The following CTNNA3 variants were observed in gnomAD, a reference collection of about 807,000 sequenced individuals.
The protein encoded by CTNNA3 is catenin alpha-3.
CTNNA3 carries 76 observed loss-of-function variants against 95.7 expected under a neutral mutation model. The observed-to-expected ratio is 0.79, with a 90% CI of 0.66 to 0.96. The LOEUF (loss-of-function observed/expected upper bound fraction) is 0.96. Ranked by LOEUF, CTNNA3 falls within the 40% of genes least tolerant of loss-of-function variation. The pLI, the probability that CTNNA3 is intolerant of heterozygous loss-of-function variation, is 0.00. For synonymous variants in CTNNA3, 431 were observed against 374.4 expected, an observed-to-expected ratio of 1.15 and a Z score of -1.74; for missense variants, 1,191 against 1,089.8, an observed-to-expected ratio of 1.09 and a Z score of -1.31.
At chr10:66,987,181 G>A (rs1171266355) in intron 7 of CTNNA3, among the ~76,000 whole-genome samples, 1 of 152,186 alleles carries the variant, frequency 6.6e-6, no homozygotes, top group African/African-American at 2.4e-5. Flanking sequence ...AGGACTAAGG[G>A]AGAGGGAAGC....
At chr10:67,669,057 C>T (rs1224180260) in intron 1 of CTNNA3, among the ~76,000 whole-genome samples, 1 of 152,000 alleles carries the variant, frequency 6.6e-6, no homozygotes, top group East Asian at 1.9e-4. Flanking sequence ...CCAGGCTAGT[C>T]TCGAACTCCT....
chr10:66,801,324 T>C (rs963132446), intron 7 of CTNNA3, among the ~76,000 whole-genome samples: 1 of 151,192 alleles, frequency 6.6e-6, no homozygotes, highest in African/African-American at 2.4e-5. Context: ...TTTTATATAA[T>C]AAAAATAAGC....
chr10:66,515,345 C>CTCTCTATA (rs558913767), intron 11 of CTNNA3, among the ~76,000 whole-genome samples: 2,971 of 148,968 alleles, frequency 0.02, 46 homozygotes, highest in Middle Eastern at 0.041. Flanking sequence ...CTCTCTCTCT[C>CTCTCTATA]TATATATATA....
chr10:66,846,467 CCACACACACA>C (rs34923400), intron 7 of CTNNA3, among the ~76,000 whole-genome samples: 5 of 147,616 alleles, frequency 3.4e-5, no homozygotes, highest in African/African-American at 7.4e-5. Flanking sequence ...AATGTTCTCA[CCACACACACA>C]CACACACACA....
intron 1 of CTNNA3, among the ~76,000 whole-genome samples, chr10:67,708,359 C>T (rs1220688074): frequency 1.3e-5 from 2 of 152,122 alleles, no homozygotes; most frequent in Admixed American, 1.3e-4. Context: ...ATCAATTAAT[C>T]ACCATCTCAA....
chr10:66,514,248 T>G (rs1033734583), intron 11 of CTNNA3, among the ~76,000 whole-genome samples: 1 of 152,150 alleles, frequency 6.6e-6, no homozygotes, highest in Non-Finnish European at 1.5e-5. Context: ...GAATAAATAC[T>G]TTTACACATT....
intron 3 of CTNNA3, among the ~76,000 whole-genome samples, chr10:67,561,156 G>A (rs375423478): frequency 1.4e-5 from 2 of 145,100 alleles, no homozygotes; most frequent in East Asian, 2.1e-4. Context: ...CATCTACAGA[G>A]CTCTCCACCC....
At position 66,319,659 on chromosome 10, in the gene CTNNA3, C is replaced by A. The variant is rs539816261; in HGVS notation, c.1733-39038G>T. Among the ~76,000 whole-genome samples the A allele has an allele frequency of 1.1e-3, 169 of 152,076 alleles. 1 individual carries two copies. The highest frequency in any genetic ancestry group is 1.5e-3 in the Non-Finnish European group (99 of 68,000). On this transcript the variant is annotated intron_variant, in intron 12 of 17. Coordinates refer to ENST00000433211, the MANE Select transcript of CTNNA3 (RefSeq NM_013266.4). Reference sequence around the variant, plus strand: ...ATATTTTAATGCCACCAACCATACACCTATAAATTTCTTGTCATTAGACAA... The same window carrying A: ...ATATTTTAATGCCACCAACCATACAACTATAAATTTCTTGTCATTAGACAA...
rs983664599 is a variant in CTNNA3, at chr10:67,562,016, G to C, written c.293-22347C>G. On this transcript the variant is annotated intron_variant, in intron 3 of 17. Coordinates refer to ENST00000433211, the MANE Select transcript of CTNNA3 (RefSeq NM_013266.4). Reference sequence around the variant, plus strand: ...TAATCAATAGCTTACCAACCAAAAAGAGTCCAGGACCAGATGGATTCACAG... The same window carrying C: ...TAATCAATAGCTTACCAACCAAAAACAGTCCAGGACCAGATGGATTCACAG... Among the ~76,000 whole-genome samples the C allele has an allele frequency of 2.6e-5, 4 of 152,086 alleles. No individual in the cohort carries two copies. In the East Asian group the frequency reaches 5.8e-4, roughly 22 times the overall value.
chr10:66,067,970 G>T (rs1394491877), intron 15 of CTNNA3, among the ~76,000 whole-genome samples: 1 of 152,064 alleles, frequency 6.6e-6, no homozygotes, highest in Non-Finnish European at 1.5e-5. Flanking sequence ...TAGGTTCCCT[G>T]AAGTATAGTA....
At chr10:66,365,078 CAG>C (rs2092702038) in intron 12 of CTNNA3, among the ~76,000 whole-genome samples, 1 of 152,058 alleles carries the variant, frequency 6.6e-6, no homozygotes, top group African/African-American at 2.4e-5. Flanking sequence ...GGCGAGAAAA[CAG>C]GGAGGGGTAT....
chr10:66,094,784 A>C (rs1434547568), intron 14 of CTNNA3, among the ~76,000 whole-genome samples: 1 of 152,138 alleles, frequency 6.6e-6, no homozygotes, highest in Non-Finnish European at 1.5e-5. Context: ...GCCTTGAATA[A>C]AGTCTTCCTC....
chr10:66,522,982 T>C (rs746155105), intron 10 of CTNNA3, among the ~76,000 whole-genome samples: 2 of 152,072 alleles, frequency 1.3e-5, no homozygotes, highest in Non-Finnish European at 2.9e-5. Flanking sequence ...ACGGAAAAAA[T>C]TAGTTGCCTG....
At chr10:67,468,160 T>C (rs898685305) in intron 5 of CTNNA3, among the ~76,000 whole-genome samples, 3 of 152,100 alleles carry the variant, frequency 2.0e-5, no homozygotes, top group Non-Finnish European at 4.4e-5. Flanking sequence ...TTGGTGTTTT[T>C]CTTGATCCTC....
chr10:66,611,514 G>A (rs1844329484), intron 10 of CTNNA3, among the ~76,000 whole-genome samples: 1 of 152,142 alleles, frequency 6.6e-6, no homozygotes, highest in South Asian at 2.1e-4. Flanking sequence ...GCTTCCCAGT[G>A]ATTCTCTTTT....
intron 1 of CTNNA3, among the ~76,000 whole-genome samples, chr10:67,743,140 T>C (rs1841352514): frequency 6.6e-6 from 1 of 151,420 alleles, no homozygotes; most frequent in Admixed American, 6.6e-5. Context: ...GAATCCTCCC[T>C]AACTCATTTT....
chr10:66,451,152 A>G (rs2093461290), intron 11 of CTNNA3, among the ~76,000 whole-genome samples: 1 of 152,178 alleles, frequency 6.6e-6, no homozygotes, highest in Non-Finnish European at 1.5e-5. Flanking sequence ...GTCTTTAAGT[A>G]AATCTAACCA....
At chr10:66,305,634 T>C (rs904274174) in intron 12 of CTNNA3, among the ~76,000 whole-genome samples, 2 of 152,180 alleles carry the variant, frequency 1.3e-5, no homozygotes, top group Non-Finnish European at 2.9e-5. Context: ...GTTCATGAAG[T>C]AGACAGTTTA....
At chr10:65,934,852 C>T (rs568769726) in intron 17 of CTNNA3, among the ~76,000 whole-genome samples, 6 of 152,098 alleles carry the variant, frequency 3.9e-5, no homozygotes, top group Non-Finnish European at 8.8e-5. Flanking sequence ...TGATTGAGGA[C>T]CGATATAAGA....
Sources: allele counts gnomAD v4.1 joint callset (sites outside exome capture counted in the v4.1 genomes callset), GRCh38; gene constraint gnomAD v4.1.1; transcripts MANE v1.5; gene names NCBI Gene and HGNC (gene_info 2026-07-23, HGNC 2026-07-21).